ADARB2: variants seen among roughly 807,000 people sequenced by gnomAD.
The protein encoded by ADARB2 is inactive double-stranded RNA-specific editase B2.
In ADARB2, 25 loss-of-function variants were observed where a neutral mutation model predicts 62.2. The observed-to-expected ratio is 0.40, with a 90% CI of 0.29 to 0.56. The LOEUF (loss-of-function observed/expected upper bound fraction) is 0.56. Ranked by LOEUF, ADARB2 falls within the 20% of genes least tolerant of loss-of-function variation. The probability of loss-of-function intolerance (pLI) is 0.43; values close to 1 mark genes in which losing one functional copy is unlikely to be tolerated. For synonymous variants in ADARB2, 572 were observed against 500.8 expected, an observed-to-expected ratio of 1.14 and a Z score of -1.90; for missense variants, 1,071 against 1,077.4, an observed-to-expected ratio of 0.99 and a Z score of 0.08.
chr10:1,212,914 C>G (rs1453717456), intron 7 of ADARB2, among the ~76,000 whole-genome samples: 1 of 152,244 alleles, frequency 6.6e-6, no homozygotes, highest in Admixed American at 6.5e-5. Flanking sequence ...CTGATGAGCC[C>G]TTGGAGGTCA....
intron 2 of ADARB2, among the ~76,000 whole-genome samples, chr10:1,366,205 T>C (rs541702729): frequency 2.6e-5 from 4 of 152,348 alleles, no homozygotes; most frequent in Non-Finnish European, 4.4e-5. Context: ...TTTATTTCTT[T>C]TGCAGAAAAT....
intron 4 of ADARB2, among the ~76,000 whole-genome samples, chr10:1,250,744 G>A (rs1394216459): frequency 1.3e-5 from 2 of 152,150 alleles, no homozygotes; most frequent in Non-Finnish European, 2.9e-5. Context: ...AACTAAGATA[G>A]TTATTTGTTT....
At chr10:1,214,116 T>C (rs939723357) in intron 7 of ADARB2, among the ~76,000 whole-genome samples, 1 of 109,412 alleles carries the variant, frequency 9.1e-6, no homozygotes, top group African/African-American at 3.3e-5. Flanking sequence ...TTTGCACCTG[T>C]GTCCAGCGTC....
chr10:1,318,730 T>G (rs1439984855), intron 3 of ADARB2, among the ~76,000 whole-genome samples: 1 of 152,206 alleles, frequency 6.6e-6, no homozygotes, highest in Non-Finnish European at 1.5e-5. Flanking sequence ...AATTTGTCCC[T>G]GTCAGAAGGA....
At chr10:1,287,507 G>A (rs924807603) in intron 3 of ADARB2, among the ~76,000 whole-genome samples, 6 of 152,058 alleles carry the variant, frequency 3.9e-5, no homozygotes, top group African/African-American at 9.7e-5. Flanking sequence ...CTGAAACCTC[G>A]CGTGCTCTGA....
chr10:1,365,013 C>T (rs976434876), intron 2 of ADARB2, among the ~76,000 whole-genome samples: 1 of 151,936 alleles, frequency 6.6e-6, no homozygotes, highest in Admixed American at 6.6e-5. Flanking sequence ...GCTGGGATTA[C>T]AGGCACCCAC....
rs567108232 is a variant in ADARB2 at position 1,177,383 on chromosome 10, T to G, written c.*5810A>C. 1.3e-5 allele frequency: 2 copies of G among 149,684 alleles called. No homozygotes were observed. The highest frequency in any genetic ancestry group is 5.0e-5 in the African/African-American group (2 of 40,000). The allele number at this position is 149,684 out of a possible 1,614,324, so 9.3% of individuals were successfully genotyped here. On this transcript the variant is annotated 3_prime_UTR_variant, in exon 10 of 10. Transcript: ENST00000381312. ...TTATTAGATATCACTGAAGTGCAAT[T>G]TATAGAACTTAGAGGCAAATTAACA...
chr10:1,229,845 CGT>C lies in ADARB2; in HGVS notation c.1513+3847_1513+3848del, dbSNP rs761808070. ...GTATGTTTTTGTGCACATGTGCTTA[CGT>C]GTGTGTGTGTGTGTGTGTGTGGGTA... On this transcript the variant is annotated intron_variant, in intron 6 of 9. Coordinates refer to ENST00000381312, the MANE Select transcript of ADARB2 (RefSeq NM_018702.4). Among the ~76,000 whole-genome samples, 600 of 120,040 alleles carry C rather than the reference CGT, an allele frequency of 5.0e-3. 2 individuals carry two copies. Among genetic ancestry groups the C allele is most frequent in the African/African-American group, 0.015 (363 of 24,990 alleles). The allele number at this position is 120,040 out of a possible 152,430, so 78.8% of individuals were successfully genotyped here. A position where few individuals can be genotyped will look rare whatever the true frequency, so the allele number is the denominator to read the frequency against.
chr10:1,387,683 A>G (rs1832536428), intron 1 of ADARB2, among the ~76,000 whole-genome samples: 1 of 152,034 alleles, frequency 6.6e-6, no homozygotes, highest in African/African-American at 2.4e-5. Context: ...TTAAAGAAGA[A>G]ATTATACCAA....
chr10:1,511,833 C>T (rs1224729512), intron 1 of ADARB2, among the ~76,000 whole-genome samples: 2 of 150,960 alleles, frequency 1.3e-5, no homozygotes, highest in East Asian at 3.9e-4. Context: ...ACACTGGATA[C>T]TAAGACATCG....
chr10:1,449,521 C>A (rs372787106), intron 1 of ADARB2, among the ~76,000 whole-genome samples: 8 of 152,230 alleles, frequency 5.3e-5, no homozygotes, highest in Non-Finnish European at 7.3e-5. Context: ...CCTTTCAGGA[C>A]CCTCTGCACT....
At chr10:1,633,383 G>A (rs1833866097) in intron 1 of ADARB2, among the ~76,000 whole-genome samples, 1 of 152,124 alleles carries the variant, frequency 6.6e-6, no homozygotes, top group Admixed American at 6.5e-5. Flanking sequence ...AATTTCAAAG[G>A]AAATGCTCAC....
At chr10:1,325,225 C>T (rs1295578180) in intron 3 of ADARB2, among the ~76,000 whole-genome samples, 1 of 152,128 alleles carries the variant, frequency 6.6e-6, no homozygotes, top group Non-Finnish European at 1.5e-5. Flanking sequence ...AGTCCTCTAC[C>T]GGGGGGTCCC....
At position 1,642,546 on chromosome 10, in the gene ADARB2, G is replaced by GA. The variant is rs1209109268; in HGVS notation, c.100+94504dup. On this transcript the variant is annotated intron_variant, in intron 1 of 9. Transcript: ENST00000381312. ...TATAGCCAATCAGATCATTTGATCAGAAAAAACCACCACATTGGTATAATT... is the reference window on the plus strand; with the variant it reads ...TATAGCCAATCAGATCATTTGATCAGAAAAAAACCACCACATTGGTATAATT... Among the ~76,000 whole-genome samples, 3 of 152,100 alleles carry GA rather than the reference G, an allele frequency of 2.0e-5. No individual in the cohort carries two copies. The East Asian group carries it at 5.8e-4, about 29-fold the overall frequency.
intron 1 of ADARB2, among the ~76,000 whole-genome samples, chr10:1,586,941 T>A (rs1833188672): frequency 6.6e-6 from 1 of 152,240 alleles, no homozygotes; most frequent in Non-Finnish European, 1.5e-5. Context: ...TGTTTTTAAT[T>A]ATAACTTAAA....
At chr10:1,202,244 T>TTGTG (rs951251819) in intron 7 of ADARB2, among the ~76,000 whole-genome samples, 1 of 151,792 alleles carries the variant, frequency 6.6e-6, no homozygotes, top group Non-Finnish European at 1.5e-5. Context: ...CACCTGGTCT[T>TTGTG]TGTGTGTGTG....
In ADARB2 at chr10:1,737,213, C is replaced by T. The variant is rs866955499; in HGVS notation, c.-63G>A. On this transcript the variant is annotated 5_prime_UTR_variant, in exon 1 of 10. Transcript: ENST00000381312. ...TCCTGCACCTGCACCTGCCTCCTTC[C>T]CGGCAGCCGCCGCCGCCGCTGCTGC... 2.0e-6 allele frequency: 3 copies of T among 1,535,700 alleles called. No homozygotes were observed. Among genetic ancestry groups the T allele is most frequent in the Middle Eastern group, 1.8e-4 (1 of 5,546 alleles).
intron 3 of ADARB2, among the ~76,000 whole-genome samples, chr10:1,349,817 C>T (rs567258731): frequency 6.6e-6 from 1 of 152,254 alleles, no homozygotes; most frequent in Non-Finnish European, 1.5e-5. Flanking sequence ...GATTATTCAT[C>T]CATGTTCCAC....
chr10:1,460,874 T>G (rs1472859908), intron 1 of ADARB2, among the ~76,000 whole-genome samples: 1 of 91,296 alleles, frequency 1.1e-5, no homozygotes, highest in East Asian at 2.4e-4. Flanking sequence ...CGAACCTGCC[T>G]GTGACCTGAG....
Sources: gnomAD v4.1 joint callset for allele counts (sites outside exome capture counted in the v4.1 genomes callset) on GRCh38, gnomAD v4.1.1 for gene constraint, MANE v1.5 for transcripts, NCBI Gene and HGNC (gene_info 2026-07-23, HGNC 2026-07-21) for gene names.